SYT14: variants seen among roughly 807,000 people sequenced by gnomAD.
The protein encoded by SYT14 is synaptotagmin 14, also known as synaptotagmin-14.
Under a neutral mutation model 74.2 loss-of-function variants are expected in SYT14, and 32 were observed. The observed-to-expected ratio is 0.43, with a 90% CI of 0.33 to 0.58. The LOEUF (loss-of-function observed/expected upper bound fraction) is 0.58. Ranked by LOEUF, SYT14 falls within the 20% of genes least tolerant of loss-of-function variation. The pLI is 0.05. For synonymous variants in SYT14, 298 were observed against 337.7 expected (o/e 0.88, Z 1.29); for missense variants, 791 against 981.8 (o/e 0.81, Z 2.60).
chr1:210,090,166 T>C (rs935165130), intron 5 of SYT14, among the ~76,000 whole-genome samples: 17 of 152,206 alleles, frequency 1.1e-4, no homozygotes, highest in Admixed American at 9.2e-4. Flanking sequence ...CTGATCCTTT[T>C]GTTACTTGGG....
chr1:209,987,310 G>C (rs1394230567), intron 2 of SYT14, among the ~76,000 whole-genome samples: 1 of 152,234 alleles, frequency 6.6e-6, no homozygotes, highest in African/African-American at 2.4e-5. Flanking sequence ...AAATACCTGA[G>C]ACTGGATAAT....
intron 7 of SYT14, among the ~76,000 whole-genome samples, chr1:210,112,359 A>G (rs1004537833): frequency 1.2e-4 from 18 of 151,448 alleles, no homozygotes; most frequent in African/African-American, 4.4e-4. Flanking sequence ...ACAGATTTCC[A>G]CGATGGAAAG....
rs17015459 is a variant in SYT14 at position 209,954,604 on chromosome 1, A to G, written c.-486+1848A>G. Among the ~76,000 whole-genome samples, 1,195 of 152,274 alleles carry G rather than the reference A, an allele frequency of 7.8e-3. 22 individuals are homozygous for G. Among genetic ancestry groups the G allele is most frequent in the African/African-American group, 0.027 (1,141 of 41,570 alleles). On this transcript the variant is annotated intron_variant, in intron 2 of 9. Transcript: ENST00000637265. The stretch of plus-strand genomic sequence containing the variant: ...TTTGCATTTTATCCTAGACTTCCAT[A>G]GAGTAGATCATATGAAAGTTATGTA...
At chr1:210,134,334 T>G (rs1249277296) in intron 7 of SYT14, among the ~76,000 whole-genome samples, 1 of 152,056 alleles carries the variant, frequency 6.6e-6, no homozygotes, top group Non-Finnish European at 1.5e-5. Flanking sequence ...CTTGAACTCC[T>G]GGGCTCAAGC....
intron 2 of SYT14, among the ~76,000 whole-genome samples, chr1:209,991,802 C>T (rs968258909): frequency 6.6e-5 from 10 of 151,586 alleles, no homozygotes; most frequent in African/African-American, 1.2e-4. Context: ...TGCACTCCAG[C>T]CTGGGCGATA....
intron 7 of SYT14, among the ~76,000 whole-genome samples, chr1:210,101,299 AAAATAT>A (rs1385317975): frequency 2.6e-5 from 4 of 152,178 alleles, no homozygotes; most frequent in Admixed American, 6.5e-5. Context: ...AAGCATTTTT[AAAATAT>A]AAATATACAG....
intron 7 of SYT14, among the ~76,000 whole-genome samples, chr1:210,117,662 T>C (rs748455339): frequency 6.6e-5 from 10 of 152,144 alleles, no homozygotes; most frequent in Admixed American, 2.0e-4. Flanking sequence ...TTGAGAGGAA[T>C]AACTGCAGTC....
At chr1:209,991,571 C>A (rs1558115518) in intron 2 of SYT14, among the ~76,000 whole-genome samples, 1 of 152,088 alleles carries the variant, frequency 6.6e-6, no homozygotes, top group Non-Finnish European at 1.5e-5. Context: ...CAAATTAAAA[C>A]CACAAGGAGA....
chr1:210,056,659 C>CAAAAAAAAAAAAAAAAAAA (rs1196789715), intron 5 of SYT14, among the ~76,000 whole-genome samples: 16 of 79,342 alleles, frequency 2.0e-4, no homozygotes, highest in East Asian at 1.7e-3. Context: ...ACTAAAAATA[C>CAAAAAAAAAAAAAAAAAAA]AAAAAAAAAA....
rs1026007597 is a variant in SYT14 at position 209,962,323 on chromosome 1, T to C, written c.-486+9567T>C. On this transcript the variant is annotated intron_variant, in intron 2 of 9. Transcript: ENST00000637265. ...TAGACACTACTGTTAAGGGATATTC[T>C]TGAATTGAGGGGACCAATAGATTTT... is the stretch of plus-strand genomic sequence containing the variant. 9.2e-5 allele frequency among the ~76,000 whole-genome samples: 14 copies of C among 152,076 alleles called. No homozygotes were observed. The South Asian group carries it at 1.2e-3, about 14-fold the overall frequency.
At chr1:210,170,634 C>G (rs2083514604) in exon 10 of SYT14, 1 of 152,112 alleles carries the variant, frequency 6.6e-6, no homozygotes, top group Non-Finnish European at 1.5e-5. Context: ...GGGTAAACAT[C>G]TGACTTCATT....
exon 4 of SYT14, chr1:210,016,420 T>A: frequency 8.1e-7 from 1 of 1,232,062 alleles, no homozygotes; most frequent in Non-Finnish European, 1.0e-6. Flanking sequence ...GTAATACTGG[T>A]GATTCTTCTT....
chr1:210,019,483 T>C (rs542357824), intron 4 of SYT14, among the ~76,000 whole-genome samples: 4 of 152,114 alleles, frequency 2.6e-5, no homozygotes, highest in African/African-American at 7.2e-5. Flanking sequence ...GGGAACTGGG[T>C]TTTAATTTCT....
intron 5 of SYT14, among the ~76,000 whole-genome samples, chr1:210,037,888 C>T (rs1168072708): frequency 6.6e-6 from 1 of 152,016 alleles, no homozygotes; most frequent in Non-Finnish European, 1.5e-5. Context: ...ATTCCATGCA[C>T]TGATGAGAAG....
chr1:209,952,270 G>A (rs975337032), intron 1 of SYT14, among the ~76,000 whole-genome samples: 2 of 152,108 alleles, frequency 1.3e-5, no homozygotes, highest in African/African-American at 4.8e-5. Flanking sequence ...ATAGTGGGTT[G>A]TTGGAGAATA....
chr1:210,020,409 A>C (rs954352271), intron 4 of SYT14, among the ~76,000 whole-genome samples: 1 of 152,164 alleles, frequency 6.6e-6, no homozygotes, highest in East Asian at 1.9e-4. Flanking sequence ...AGAATTGGTA[A>C]ATTCCTGGAA....
intron 5 of SYT14, among the ~76,000 whole-genome samples, chr1:210,036,997 A>G (rs1353556197): frequency 1.3e-5 from 2 of 151,994 alleles, no homozygotes; most frequent in Non-Finnish European, 2.9e-5. Context: ...AAGTTTCAGT[A>G]GGATTGGTAT....
chr1:210,117,801 T>G (rs970404167), intron 7 of SYT14, among the ~76,000 whole-genome samples: 1 of 152,130 alleles, frequency 6.6e-6, no homozygotes, highest in Non-Finnish European at 1.5e-5. Context: ...AAAGGTCAAG[T>G]CTCAAGAAAT....
At chr1:210,148,303 T>C (rs927190010) in intron 7 of SYT14, among the ~76,000 whole-genome samples, 4 of 151,970 alleles carry the variant, frequency 2.6e-5, no homozygotes, top group African/African-American at 9.7e-5. Context: ...GGTCAGGAGA[T>C]CAAGACCATC....
Sources: allele counts gnomAD v4.1 joint callset (sites outside exome capture counted in the v4.1 genomes callset), GRCh38; gene constraint gnomAD v4.1.1; transcripts MANE v1.5; gene names NCBI Gene and HGNC (gene_info 2026-07-23, HGNC 2026-07-21).